TRIM9: variants seen among roughly 807,000 people sequenced by gnomAD.
The protein encoded by TRIM9 is E3 ubiquitin-protein ligase TRIM9.
In TRIM9, 26 loss-of-function variants were observed where a neutral mutation model predicts 78.3. That is an observed-to-expected ratio of 0.33 (90% CI 0.24 to 0.46). TRIM9 has a LOEUF of 0.46. TRIM9 is among the 20% of genes least tolerant of loss of function. The probability of loss-of-function intolerance (pLI) is 1.00; values close to 1 mark genes in which losing one functional copy is unlikely to be tolerated. For missense variants in TRIM9, 787 were observed against 1,036.4 expected (o/e 0.76, Z 3.30); for synonymous variants, 398 against 416.5 (o/e 0.96, Z 0.54).
At chr14:51,015,785 C>T (rs961744228) in intron 3 of TRIM9, among the ~76,000 whole-genome samples, 7 of 152,042 alleles carry the variant, frequency 4.6e-5, no homozygotes, top group African/African-American at 9.7e-5. Flanking sequence ...GGATTACAGG[C>T]GTGAGCCACC....
intron 1 of TRIM9, among the ~76,000 whole-genome samples, chr14:51,056,316 T>C (rs375168374): frequency 1.3e-5 from 2 of 152,204 alleles, no homozygotes; most frequent in South Asian, 2.1e-4. Flanking sequence ...AAAAAATAAA[T>C]TCATTGTGTT....
intron 1 of TRIM9, among the ~76,000 whole-genome samples, chr14:51,041,169 T>C (rs1395304678): frequency 1.3e-5 from 2 of 152,242 alleles, no homozygotes; most frequent in Non-Finnish European, 2.9e-5. Flanking sequence ...AAAATAGGAA[T>C]GGTTTCCATG....
chr14:51,083,760 C>A (rs115020569), intron 1 of TRIM9, among the ~76,000 whole-genome samples: 287 of 152,242 alleles, frequency 1.9e-3, no homozygotes, highest in Middle Eastern at 6.8e-3. Flanking sequence ...GGGTTCAATG[C>A]AAAATGTTTG....
chr14:51,015,223 A>G (rs1445022309), intron 3 of TRIM9, among the ~76,000 whole-genome samples: 1 of 152,218 alleles, frequency 6.6e-6, no homozygotes, highest in Non-Finnish European at 1.5e-5. Flanking sequence ...TGTCAGTAGC[A>G]CAGAGCAACT....
chr14:51,068,942 T>C (rs2061979872), intron 1 of TRIM9, among the ~76,000 whole-genome samples: 1 of 152,198 alleles, frequency 6.6e-6, no homozygotes, highest in South Asian at 2.1e-4. Context: ...CAACATGATT[T>C]TTAAAAAGTG....
intron 1 of TRIM9, among the ~76,000 whole-genome samples, chr14:51,035,247 T>C (rs918851197): frequency 3.3e-5 from 5 of 152,180 alleles, no homozygotes; most frequent in African/African-American, 1.2e-4. Context: ...GATTTTCTGA[T>C]TTTTCTGAAA....
intron 1 of TRIM9, among the ~76,000 whole-genome samples, chr14:51,071,387 G>GAAAAAAAAAAAAA (rs56726763): frequency 1.7e-5 from 2 of 115,928 alleles, no homozygotes; most frequent in African/African-American, 3.1e-5. Context: ...AAAAAAAAAA[G>GAAAAAAAAAAAAA]AAAAAAAAAA....
chr14:51,004,773 G>T (rs1268929716), intron 5 of TRIM9, among the ~76,000 whole-genome samples: 1 of 152,186 alleles, frequency 6.6e-6, no homozygotes, highest in African/African-American at 2.4e-5. Context: ...AAGCAGCCTG[G>T]CTCCAGAGGC....
chr14:50,997,831 A>G, intron 7 of TRIM9: 1 of 1,392,584 alleles, frequency 7.2e-7, no homozygotes, highest in Non-Finnish European at 9.3e-7. Context: ...CGCCGGCCCA[A>G]GCCATTGGAA....
chr14:51,078,350 A>G (rs1331559436), intron 1 of TRIM9, among the ~76,000 whole-genome samples: 1 of 152,236 alleles, frequency 6.6e-6, no homozygotes, highest in Non-Finnish European at 1.5e-5. Context: ...TACAAATTTT[A>G]TAGTAACCTT....
chr14:50,987,039 TG>T (rs1471177434), intron 7 of TRIM9, among the ~76,000 whole-genome samples: 1 of 152,236 alleles, frequency 6.6e-6, no homozygotes. Context: ...ATGCACGGTG[TG>T]GTCTAGTCAG....
At chr14:51,048,488 GTGTCCTAGT>G (rs2060126745) in intron 1 of TRIM9, among the ~76,000 whole-genome samples, 2 of 152,246 alleles carry the variant, frequency 1.3e-5, no homozygotes, top group Non-Finnish European at 2.9e-5. Context: ...AATCCTGAGT[GTGTCCTAGT>G]GAAAGTCATT....
chr14:51,020,780 G>C (rs1013689113), intron 3 of TRIM9, among the ~76,000 whole-genome samples: 5 of 152,166 alleles, frequency 3.3e-5, no homozygotes, highest in African/African-American at 1.2e-4. Context: ...TCTTTGATAG[G>C]GATAAATGAT....
At chr14:51,039,808 G>A (rs539687589) in intron 1 of TRIM9, among the ~76,000 whole-genome samples, 115 of 151,440 alleles carry the variant, frequency 7.6e-4, no homozygotes, top group Non-Finnish European at 1.4e-3. Flanking sequence ...GTGCAGTGGC[G>A]CGATCTCAGC....
chr14:51,053,050 C>T (rs368135114), intron 1 of TRIM9, among the ~76,000 whole-genome samples: 66 of 151,888 alleles, frequency 4.3e-4, no homozygotes, highest in African/African-American at 1.6e-3. Context: ...GTCCTAGCTA[C>T]TCCAGAGGCT....
chr14:51,060,996 T>A (rs950233514), intron 1 of TRIM9, among the ~76,000 whole-genome samples: 1 of 152,260 alleles, frequency 6.6e-6, no homozygotes, highest in Non-Finnish European at 1.5e-5. Flanking sequence ...TAAAATGGCA[T>A]CTTATTATGG....
intron 1 of TRIM9, among the ~76,000 whole-genome samples, chr14:51,032,274 G>A (rs537048982): frequency 3.9e-5 from 6 of 152,310 alleles, no homozygotes; most frequent in African/African-American, 1.4e-4. Flanking sequence ...AGTTTCAGTG[G>A]TGGCATTTCA....
At chr14:51,033,398 G>GT (rs999928856) in intron 1 of TRIM9, among the ~76,000 whole-genome samples, 1 of 152,172 alleles carries the variant, frequency 6.6e-6, no homozygotes, top group African/African-American at 2.4e-5. Flanking sequence ...GCCCAATGAT[G>GT]TTTTTATAGT....
intron 1 of TRIM9, among the ~76,000 whole-genome samples, chr14:51,075,013 C>A (rs2062634163): frequency 6.6e-6 from 1 of 152,158 alleles, no homozygotes; most frequent in Non-Finnish European, 1.5e-5. Context: ...ACATTTTTAT[C>A]CAAAGAGACT....
Sources: allele counts gnomAD v4.1 joint callset (sites outside exome capture counted in the v4.1 genomes callset), GRCh38; gene constraint gnomAD v4.1.1; transcripts MANE v1.5; gene names NCBI Gene and HGNC (gene_info 2026-07-23, HGNC 2026-07-21).